WDR41: variants seen among roughly 807,000 people sequenced by gnomAD.
WDR41 encodes the protein WD repeat domain 41, also known as WD repeat-containing protein 41.
Under a neutral mutation model 69.3 loss-of-function variants are expected in WDR41, and 63 were observed. The observed-to-expected ratio is 0.91, with a 90% CI of 0.74 to 1.12. WDR41 has a LOEUF of 1.12. Among genes scored for constraint, WDR41 ranks in the 50% most tolerant of loss-of-function variants. The pLI, the probability that WDR41 is intolerant of heterozygous loss-of-function variation, is 0.00. For synonymous variants in WDR41, 185 were observed against 192.1 expected (o/e 0.96, Z 0.31); for missense variants, 543 against 534.5 (o/e 1.02, Z -0.16).
At chr5:77,469,193 G>A (rs1800442783) in intron 2 of WDR41, among the ~76,000 whole-genome samples, 1 of 152,018 alleles carries the variant, frequency 6.6e-6, no homozygotes, top group Non-Finnish European at 1.5e-5. Flanking sequence ...ACTGAAGAAT[G>A]AGAACACTTG....
intron 4 of WDR41, 47 bp downstream of exon 4, chr5:77,463,048 T>C: frequency 6.3e-7 from 1 of 1,589,002 alleles, no homozygotes; most frequent in South Asian, 1.1e-5. Context: ...ATGTAGTGGC[T>C]CCTTAGGCCA....
chr5:77,455,819 T>C (rs1799807791), intron 5 of WDR41, among the ~76,000 whole-genome samples: 1 of 152,196 alleles, frequency 6.6e-6, no homozygotes, highest in Admixed American at 6.5e-5. Context: ...TCTGTCATTA[T>C]GCCAATATCA....
At chr5:77,477,101 A>T (rs1233065265) in intron 2 of WDR41, among the ~76,000 whole-genome samples, 1 of 148,618 alleles carries the variant, frequency 6.7e-6, no homozygotes, top group African/African-American at 2.6e-5. Flanking sequence ...TGGTAAAGGG[A>T]TCAATTCAAC....
At chr5:77,600,399 C>T (rs981447486) in intron 1 of WDR41, among the ~76,000 whole-genome samples, 1 of 152,104 alleles carries the variant, frequency 6.6e-6, no homozygotes, top group East Asian at 1.9e-4. Flanking sequence ...AAAGACGAAA[C>T]ATTTAGAAAC....
chr5:77,482,856 C>G (rs1801338474), intron 2 of WDR41, among the ~76,000 whole-genome samples: 2 of 149,018 alleles, frequency 1.3e-5, no homozygotes, highest in Admixed American at 1.3e-4. Flanking sequence ...CCCACATCTA[C>G]CTGAAAAAAA....
intron 1 of WDR41, among the ~76,000 whole-genome samples, chr5:77,574,271 C>T (rs1290477960): frequency 6.6e-6 from 1 of 152,034 alleles, no homozygotes; most frequent in Admixed American, 6.5e-5. Flanking sequence ...GCACTCCAGC[C>T]TGGGCAACAG....
In WDR41 at chr5:77,449,833, T is replaced by C; in HGVS notation, c.624A>G (p.Leu208=). The C allele has an allele frequency of 6.2e-7, 1 of 1,613,758 alleles. No individual in the cohort carries two copies. The highest frequency in any genetic ancestry group is 8.5e-7 in the Non-Finnish European group (1 of 1,179,750). Residue 208 remains leucine, a synonymous_variant, in exon 8 of 13, where the codon CTA becomes CTG. Coordinates refer to ENST00000296679, the MANE Select transcript of WDR41 (RefSeq NM_018268.4). The stretch of plus-strand genomic sequence containing the variant: ...GCTTAACTTCAAGAATATCCCATTC[T>C]AGTGATCCTTCTGTGGGTGCTACCA... ...FRLVAPTEGS[L]EWDILEVKRL...
upstream of WDR41, among the ~76,000 whole-genome samples, chr5:77,494,242 A>G (rs562659620): frequency 6.6e-6 from 1 of 152,340 alleles, no homozygotes; most frequent in East Asian, 1.9e-4. Flanking sequence ...AGATGGCAGT[A>G]ATAGAGAAAA....
rs181972907 is a variant in WDR41, at chr5:77,501,017, G to A, written c.43-11445C>T. On this transcript the variant is annotated intron_variant, in intron 1 of 5. Transcript: ENST00000509971. ...TGAGGTACCTGGTTCATCTCATTGG[G>A]ACTGCTTGGACAGTGGGCACAACCC... 4.6e-4 allele frequency among the ~76,000 whole-genome samples: 70 copies of A among 152,316 alleles called. 1 individual carries two copies. Among genetic ancestry groups the A allele is most frequent in the East Asian group, 1.2e-3 (6 of 5,174 alleles).
intron 2 of WDR41, among the ~76,000 whole-genome samples, chr5:77,483,580 T>C (rs370859991): frequency 6.6e-6 from 1 of 152,190 alleles, no homozygotes; most frequent in African/African-American, 2.4e-5. Context: ...GTCTTTTGTA[T>C]GTCTAAGTTG....
chr5:77,580,696 G>T (rs573825434), intron 1 of WDR41, among the ~76,000 whole-genome samples: 1 of 151,972 alleles, frequency 6.6e-6, no homozygotes, highest in Non-Finnish European at 1.5e-5. Flanking sequence ...TGGTTCATGC[G>T]TGTAATCACA....
At chr5:77,618,718 A>T (rs1183912150) in intron 1 of WDR41, among the ~76,000 whole-genome samples, 1 of 152,182 alleles carries the variant, frequency 6.6e-6, no homozygotes. Context: ...GCCTGTGACC[A>T]TAGCCCCTTA....
chr5:77,609,763 A>G (rs1000419073), intron 1 of WDR41, among the ~76,000 whole-genome samples: 18 of 152,364 alleles, frequency 1.2e-4, no homozygotes, highest in African/African-American at 4.1e-4. Flanking sequence ...TCCTCCTCCA[A>G]AGGAACACAG....
At chr5:77,466,094 A>C (rs1800293854) in intron 2 of WDR41, among the ~76,000 whole-genome samples, 1 of 151,992 alleles carries the variant, frequency 6.6e-6, no homozygotes, top group South Asian at 2.1e-4. Flanking sequence ...AATAATTTTT[A>C]AATACAGAAC....
chr5:77,576,301 AC>A (rs1290993735), intron 1 of WDR41, among the ~76,000 whole-genome samples: 1 of 150,314 alleles, frequency 6.7e-6, no homozygotes. Context: ...CACCTTCACT[AC>A]CCCCCTCAAC....
At chr5:77,464,000 G>C (rs946140105) in intron 3 of WDR41, among the ~76,000 whole-genome samples, 2 of 151,918 alleles carry the variant, frequency 1.3e-5, no homozygotes, top group Non-Finnish European at 2.9e-5. Context: ...CAAATGATCA[G>C]GAAGGGAGGC....
At chr5:77,528,024 G>T (rs1426995036) in intron 1 of WDR41, among the ~76,000 whole-genome samples, 1 of 151,622 alleles carries the variant, frequency 6.6e-6, no homozygotes, top group Non-Finnish European at 1.5e-5. Context: ...GAAAAGCACA[G>T]CAAATTAAAG....
rs189886134 is a variant in WDR41, at chr5:77,618,653, G to A, written c.42+1826C>T. ...CTCCTGAAGTGCTAGGATTACAGGC[G>A]TGAGCCACCACACTCAGCCTAAACA... On this transcript the variant is annotated intron_variant, in intron 1 of 5. Coordinates refer to the WDR41 transcript ENST00000509971. 8.5e-5 allele frequency among the ~76,000 whole-genome samples: 13 copies of A among 152,316 alleles called. 1 individual carries two copies. The East Asian group carries it at 2.1e-3, about 25-fold the overall frequency.
chr5:77,449,706 GGTTGT>G (rs1397975056), intron 8 of WDR41, 49 bp downstream of exon 8: 2 of 1,188,154 alleles, frequency 1.7e-6, no homozygotes, highest in East Asian at 2.4e-5. Context: ...GTTCAGAGCA[GGTTGT>G]GTTAACAAGC....
Sources: allele counts gnomAD v4.1 joint callset (sites outside exome capture counted in the v4.1 genomes callset), GRCh38; gene constraint gnomAD v4.1.1; transcripts MANE v1.5; gene names NCBI Gene and HGNC (gene_info 2026-07-23, HGNC 2026-07-21).